Variants in RALGAPB observed in about 807,000 individuals in gnomAD.
RALGAPB encodes ral GTPase-activating protein subunit beta.
A neutral mutation model predicts 161.1 loss-of-function variants in RALGAPB; 25 were observed. That is an observed-to-expected ratio of 0.16 (90% CI 0.11 to 0.22). The LOEUF is 0.22. Ranked by LOEUF, RALGAPB falls within the 10% of genes least tolerant of loss-of-function variation. The pLI, the probability that RALGAPB is intolerant of heterozygous loss-of-function variation, is 1.00. For missense variants in RALGAPB, 1,391 were observed against 1,815.2 expected (o/e 0.77, Z 4.25); for synonymous variants, 629 against 626.1 (o/e 1.00, Z -0.07).
intron 5 of RALGAPB, among the ~76,000 whole-genome samples, chr20:38,507,603 T>C (rs2085800817): frequency 2.0e-5 from 3 of 152,328 alleles, no homozygotes; most frequent in African/African-American, 7.2e-5. Context: ...GGACTCAAGC[T>C]CCTGGACTCA....
At chr20:38,574,123 CTGAGA>C (rs1455254623) in intron 28 of RALGAPB, 22 bp from the exon 29 acceptor site, 2 of 1,587,908 alleles carry the variant, frequency 1.3e-6, no homozygotes, top group East Asian at 2.3e-5. Context: ...TCTTGGGTGT[CTGAGA>C]TAACAATTTT....
intron 5 of RALGAPB, among the ~76,000 whole-genome samples, chr20:38,501,174 C>T (rs1412449747): frequency 2.0e-5 from 3 of 152,204 alleles, no homozygotes; most frequent in African/African-American, 7.2e-5. Flanking sequence ...AAGACACCAT[C>T]TAGGACTTCT....
chr20:38,480,811 C>G (rs1430993297), intron 1 of RALGAPB, among the ~76,000 whole-genome samples: 1 of 138,470 alleles, frequency 7.2e-6, no homozygotes, highest in African/African-American at 2.6e-5. Context: ...AATCTTGGCT[C>G]ACTGCAAGCT....
chr20:38,550,142 T>G (rs111446734), intron 20 of RALGAPB, among the ~76,000 whole-genome samples: 11,143 of 152,124 alleles, frequency 0.073, 1,427 homozygotes, highest in African/African-American at 0.25. Flanking sequence ...TGGGGCCTGT[T>G]GTCGGGTAGG....
At chr20:38,559,174 G>A (rs1019001349) in intron 23 of RALGAPB, among the ~76,000 whole-genome samples, 7 of 152,182 alleles carry the variant, frequency 4.6e-5, no homozygotes, top group African/African-American at 1.4e-4. Flanking sequence ...CTGAAATAAC[G>A]AAGGTTAGTC....
At position 38,528,333 on chromosome 20, in the gene RALGAPB, C is replaced by T. The variant is rs142616888; in HGVS notation, c.2050+2291C>T. 4.2e-3 allele frequency among the ~76,000 whole-genome samples: 631 copies of T among 150,992 alleles called. 5 individuals are homozygous for T. The highest frequency in any genetic ancestry group is 0.015 in the African/African-American group (603 of 40,816). Reference sequence around the variant, plus strand: ...TTATATAAAGCAAGTTTGACCTTCACATTCATTTTATTTTTATTTATTTAT... The same window carrying T: ...TTATATAAAGCAAGTTTGACCTTCATATTCATTTTATTTTTATTTATTTAT... On this transcript the variant is annotated intron_variant, in intron 13 of 29. Transcript: ENST00000262879.
intron 3 of RALGAPB, among the ~76,000 whole-genome samples, chr20:38,494,201 A>G (rs1280312229): frequency 6.6e-6 from 1 of 152,188 alleles, no homozygotes; most frequent in Non-Finnish European, 1.5e-5. Flanking sequence ...AACCAACTCA[A>G]AGGCAGGAAC....
chr20:38,546,366 G>T lies in RALGAPB; in HGVS notation c.2838G>T (p.Arg946=), dbSNP rs777444904. The T allele has an allele frequency of 1.2e-6, 2 of 1,614,052 alleles. No homozygotes were observed. Among genetic ancestry groups the T allele is most frequent in the Admixed American group, 3.3e-5 (2 of 60,000 alleles). The stretch of plus-strand genomic sequence containing the variant: ...CAACCATAAACAAGCATAGTTTCCG[G>T]TACTTTGTCTTGGATAACAGTGTCA... ...RLPTINKHSF[R]YFVLDNSVIL... is the part of the protein sequence containing the mutation. The change falls in exon 19 of 30, where the codon CGG becomes CGT. Residue 946 remains arginine, a synonymous_variant. Transcript: ENST00000262879.
At chr20:38,508,654 G>A (rs1168026201) in intron 5 of RALGAPB, among the ~76,000 whole-genome samples, 1 of 151,990 alleles carries the variant, frequency 6.6e-6, no homozygotes, top group Non-Finnish European at 1.5e-5. Context: ...ATCTTGTAAA[G>A]AAGATGCTGA....
intron 22 of RALGAPB, among the ~76,000 whole-genome samples, chr20:38,555,958 A>G (rs2087573089): frequency 6.6e-6 from 1 of 152,188 alleles, no homozygotes; most frequent in East Asian, 1.9e-4. Context: ...GGTTTATCCC[A>G]GGAACTTAGC....
chr20:38,551,085 A>C lies in RALGAPB; in HGVS notation c.3024A>C (p.Glu1008Asp). The change falls in exon 21 of 30, where the codon GAA becomes GAC. Residue 1008 changes from glutamate to aspartate, a missense_variant. Glu to Asp is a conservative substitution (Grantham distance 45). Around this residue, in one of 3 missense-constraint regions of RALGAPB, gnomAD observed 946 missense variants for 1,257.2 expected, o/e 0.75. Coordinates refer to ENST00000262879, the MANE Select transcript of RALGAPB (RefSeq NM_020336.4). Reference sequence around the variant, plus strand: ...TGTTTTAACAGCTTTTTGTACCTGAACCTCGCCCAGTTCCTAAAAATGACG... The same window carrying C: ...TGTTTTAACAGCTTTTTGTACCTGACCCTCGCCCAGTTCCTAAAAATGACG... ...AKANQKLFVPEPRPVPKNDVG... is the reference protein window; with the variant it reads ...AKANQKLFVPDPRPVPKNDVG... 2 of 1,613,876 alleles carry C rather than the reference A, an allele frequency of 1.2e-6. No individual in the cohort carries two copies. The highest frequency in any genetic ancestry group is 1.7e-6 in the Non-Finnish European group (2 of 1,179,848).
chr20:38,497,648 T>C (rs1385439246), intron 4 of RALGAPB, 132 bp downstream of exon 4: 3 of 976,774 alleles, frequency 3.1e-6, no homozygotes, highest in Non-Finnish European at 4.5e-6. Flanking sequence ...TTAACAGTTC[T>C]TAGAATGGAA....
intron 1 of RALGAPB, among the ~76,000 whole-genome samples, chr20:38,477,156 T>A (rs2084826622): frequency 6.6e-6 from 1 of 152,242 alleles, no homozygotes; most frequent in Non-Finnish European, 1.5e-5. Context: ...ACTGGCCACA[T>A]GTGACTTGTA....
intron 26 of RALGAPB, among the ~76,000 whole-genome samples, chr20:38,568,314 G>A (rs1451670395): frequency 1.3e-5 from 2 of 151,034 alleles, no homozygotes; most frequent in Admixed American, 1.3e-4. Flanking sequence ...TGGAGAAAAC[G>A]CAGTTGACAA....
At chr20:38,520,071 C>T (rs1385035991) in intron 9 of RALGAPB, among the ~76,000 whole-genome samples, 3 of 152,120 alleles carry the variant, frequency 2.0e-5, no homozygotes, top group African/African-American at 7.2e-5. Flanking sequence ...GACCTGAATG[C>T]ACAATTTCCT....
chr20:38,549,194 T>C (rs984638861), intron 20 of RALGAPB, among the ~76,000 whole-genome samples: 1 of 152,202 alleles, frequency 6.6e-6, no homozygotes, highest in Non-Finnish European at 1.5e-5. Context: ...ATATGATTTG[T>C]TCTTATATAA....
chr20:38,563,955 A>T (rs1162686061), intron 24 of RALGAPB, among the ~76,000 whole-genome samples: 2 of 152,206 alleles, frequency 1.3e-5, no homozygotes, highest in Admixed American at 1.3e-4. Context: ...GAGATTAGCC[A>T]GATCTCAGAA....
At chr20:38,523,299 G>T (rs1475478925) in intron 10 of RALGAPB, among the ~76,000 whole-genome samples, 1 of 152,218 alleles carries the variant, frequency 6.6e-6, no homozygotes, top group Non-Finnish European at 1.5e-5. Flanking sequence ...CTACAGTTGT[G>T]AAGGTGGGTC....
Position 38,567,134 on chromosome 20 carries a change from G to A in RALGAPB, c.3856G>A (p.Asp1286Asn), listed in dbSNP as rs1338156779. 1.2e-6 allele frequency: 2 copies of A among 1,613,632 alleles called. No individual in the cohort carries two copies. Among genetic ancestry groups the A allele is most frequent in the Non-Finnish European group, 1.7e-6 (2 of 1,179,682 alleles). Reference sequence around the variant, plus strand: ...AAGTAACATCTCGGACCAAGATAGTGATTCAAATATGGATCTTATGCCAGG... The same window carrying A: ...AAGTAACATCTCGGACCAAGATAGTAATTCAAATATGGATCTTATGCCAGG... The part of the protein sequence containing the change: ...LESNISDQDS[D>N]SNMDLMPGIL... Residue 1286 changes from aspartate to asparagine, a missense_variant, in exon 26 of 30, where the codon GAT (aspartate) becomes AAT (asparagine). Physicochemically the swap from Asp to Asn is conservative, Grantham distance 23. Coordinates refer to ENST00000262879, the MANE Select transcript of RALGAPB (RefSeq NM_020336.4).
Sources: gnomAD v4.1 joint callset for allele counts (sites outside exome capture counted in the v4.1 genomes callset) on GRCh38, gnomAD v4.1.1 for gene constraint, gnomAD v4.1.1 regional missense constraint, MANE v1.5 for transcripts, NCBI Gene and HGNC (gene_info 2026-07-23, HGNC 2026-07-21) for gene names.